Variants in ZDHHC15 observed in about 807,000 individuals in gnomAD.
ZDHHC15 encodes the protein palmitoyltransferase ZDHHC15.
In ZDHHC15, 19 loss-of-function variants were observed where a neutral mutation model predicts 31.7. The ratio of observed to expected loss-of-function variants is 0.60; its 90% CI spans 0.42 to 0.88. The LOEUF (loss-of-function observed/expected upper bound fraction) is 0.88, where lower values mean the gene tolerates loss of function less well. Ranked by LOEUF, ZDHHC15 falls within the 40% of genes least tolerant of loss-of-function variation. ZDHHC15 has a pLI of 0.00. For synonymous variants in ZDHHC15, 103 were observed against 90.0 expected, an observed-to-expected ratio of 1.14 and a Z score of -0.82; for missense variants, 209 against 251.2, an observed-to-expected ratio of 0.83 and a Z score of 1.14.
At chrX:75,441,297 C>T (rs2083936913) in intron 4 of ZDHHC15, among the ~76,000 whole-genome samples, 1 of 111,905 alleles carries the variant, frequency 8.9e-6, no homozygotes, top group South Asian at 3.8e-4. Flanking sequence ...AAATAGAGAG[C>T]CCTAGTGAAA....
At chrX:75,405,586 T>A (rs2083402845) in intron 10 of ZDHHC15, among the ~76,000 whole-genome samples, 1 of 111,637 alleles carries the variant, frequency 9.0e-6, no homozygotes, top group African/African-American at 3.3e-5. Flanking sequence ...CACTATATAA[T>A]GATAAAGGGT....
chrX:75,410,939 A>G (rs937769358), intron 10 of ZDHHC15, among the ~76,000 whole-genome samples: 2 of 112,199 alleles, frequency 1.8e-5, no homozygotes, highest in Non-Finnish European at 3.8e-5. Flanking sequence ...CATTTGCAGC[A>G]ACATGGATGG....
intron 10 of ZDHHC15, among the ~76,000 whole-genome samples, chrX:75,405,128 C>T (rs1208583383): frequency 1.8e-5 from 2 of 111,586 alleles, no homozygotes; most frequent in African/African-American, 6.5e-5. Flanking sequence ...AACTGAGGAA[C>T]AGAAAACCAA....
At chrX:75,391,634 A>G (rs2083243389) in intron 10 of ZDHHC15, among the ~76,000 whole-genome samples, 1 of 112,419 alleles carries the variant, frequency 8.9e-6, no homozygotes, top group South Asian at 3.7e-4. Context: ...TTCTTCAAAC[A>G]TGTAGGAGAA....
rs185478683 is a variant in ZDHHC15 at position 75,514,043 on chromosome X, G to A, written c.137-8196C>T. On this transcript the variant is annotated intron_variant, in intron 1 of 11. Transcript: ENST00000373367. Reference sequence around the variant, plus strand: ...ACACTATACTTCAAAGAATGAAAGCGAAAACAAGACATTCTCAGATAAACA... The same window carrying A: ...ACACTATACTTCAAAGAATGAAAGCAAAAACAAGACATTCTCAGATAAACA... 6.6e-3 allele frequency among the ~76,000 whole-genome samples: 747 copies of A among 112,718 alleles called. 9 individuals are homozygous for A. The highest frequency in any genetic ancestry group is 9.2e-3 in the Non-Finnish European group (493 of 53,331).
chrX:75,491,629 A>C (rs1449795074), intron 2 of ZDHHC15, among the ~76,000 whole-genome samples: 1 of 110,805 alleles, frequency 9.0e-6, no homozygotes, highest in African/African-American at 3.3e-5. Flanking sequence ...GTATAATAAT[A>C]ATAAAATAAA....
chrX:75,376,420 T>A (rs1044999523), intron 11 of ZDHHC15, among the ~76,000 whole-genome samples: 1 of 111,671 alleles, frequency 9.0e-6, no homozygotes, highest in Non-Finnish European at 1.9e-5. Context: ...ATCCCACTTG[T>A]CAATTTTTGT....
At chrX:75,472,274 C>G (rs781581367) in intron 3 of ZDHHC15, among the ~76,000 whole-genome samples, 3 of 111,591 alleles carry the variant, frequency 2.7e-5, no homozygotes, top group African/African-American at 9.8e-5. Flanking sequence ...GATGGTTCTA[C>G]ACGAAATGCA....
At chrX:75,510,019 G>C (rs1488730691) in intron 1 of ZDHHC15, among the ~76,000 whole-genome samples, 1 of 111,484 alleles carries the variant, frequency 9.0e-6, no homozygotes, top group Non-Finnish European at 1.9e-5. Context: ...GGTAGAGTTT[G>C]ATATAGGGAA....
intron 3 of ZDHHC15, 91 bp from the exon 4 acceptor site, chrX:75,451,013 T>C: frequency 1.9e-6 from 2 of 1,032,991 alleles, no homozygotes; most frequent in Non-Finnish European, 2.6e-6. Flanking sequence ...ATGAAATTAT[T>C]TGTTACCTAC....
At chrX:75,508,428 G>A (rs988329055) in intron 1 of ZDHHC15, among the ~76,000 whole-genome samples, 1 of 106,355 alleles carries the variant, frequency 9.4e-6, no homozygotes, top group East Asian at 3.1e-4. Flanking sequence ...ATAGTTTGCC[G>A]AGAATGATGG....
intron 4 of ZDHHC15, among the ~76,000 whole-genome samples, chrX:75,444,340 C>T (rs1053595682): frequency 9.3e-6 from 1 of 107,203 alleles, no homozygotes; most frequent in African/African-American, 3.4e-5. Context: ...AAGCTTGAAG[C>T]CATCATTCTC....
chrX:75,404,954 A>G (rs771579049), intron 10 of ZDHHC15, among the ~76,000 whole-genome samples: 73 of 112,285 alleles, frequency 6.5e-4, no homozygotes, highest in African/African-American at 2.3e-3. Flanking sequence ...ACTGTTCACA[A>G]TAGCAAAGAT....
intron 2 of ZDHHC15, among the ~76,000 whole-genome samples, chrX:75,480,532 C>T (rs997765021): frequency 1.8e-5 from 2 of 111,094 alleles, no homozygotes; most frequent in African/African-American, 6.5e-5. Context: ...TCCTTCTATA[C>T]CTGTCCCCCA....
chrX:75,383,832 G>A (rs915022277), intron 10 of ZDHHC15, among the ~76,000 whole-genome samples: 3 of 90,258 alleles, frequency 3.3e-5, no homozygotes, highest in African/African-American at 1.2e-4. Flanking sequence ...TCCGCCTCCC[G>A]AGTTCATGCC....
chrX:75,421,734 A>G, intron 9 of ZDHHC15, 130 bp downstream of exon 9: 1 of 682,916 alleles, frequency 1.5e-6, no homozygotes, highest in South Asian at 4.6e-5. Context: ...TTATTAACCT[A>G]GAAATGAAGA....
In ZDHHC15 at chrX:75,437,282, TA is replaced by T. The variant is rs1362970230; in HGVS notation, c.380-5763del. ...CTTTCTTTTTTTTGTTTTTTTTTTTTAAATTTATTTATTATTATTATACTTT... is the reference window on the plus strand; with the variant it reads ...CTTTCTTTTTTTTGTTTTTTTTTTTTAATTTATTTATTATTATTATACTTT... On this transcript the variant is annotated intron_variant, in intron 4 of 11. Transcript: ENST00000373367. 5.2e-4 allele frequency among the ~76,000 whole-genome samples: 46 copies of T among 88,988 alleles called. No individual in the cohort carries two copies. The South Asian group carries it at 6.2e-3, about 12-fold the overall frequency. The allele number at this position is 88,988 out of a possible 115,157, so 77.3% of individuals were successfully genotyped here.
chrX:75,404,639 CT>C (rs1569312801), intron 10 of ZDHHC15, among the ~76,000 whole-genome samples: 2 of 112,094 alleles, frequency 1.8e-5, no homozygotes, highest in Admixed American at 9.5e-5. Context: ...CTCAATATCA[CT>C]GATCATTAGA....
chrX:75,484,338 GC>G (rs1244356142), intron 2 of ZDHHC15, among the ~76,000 whole-genome samples: 1 of 111,712 alleles, frequency 9.0e-6, no homozygotes, highest in Non-Finnish European at 1.9e-5. Flanking sequence ...TTATACTCAG[GC>G]ATTTAAAGAT....
Sources: allele counts gnomAD v4.1 joint callset (sites outside exome capture counted in the v4.1 genomes callset), GRCh38; gene constraint gnomAD v4.1.1; transcripts MANE v1.5; gene names NCBI Gene and HGNC (gene_info 2026-07-23, HGNC 2026-07-21).